MPC1: variants seen among roughly 807,000 people sequenced by gnomAD.
MPC1 encodes HSPC040 protein.
MPC1 carries 6 observed loss-of-function variants against 13.9 expected under a neutral mutation model. The observed-to-expected ratio is 0.43, with a 90% confidence interval of 0.24 to 0.85. The LOEUF (loss-of-function observed/expected upper bound fraction) is 0.85. MPC1 is among the 40% of genes least tolerant of loss of function. The probability of loss-of-function intolerance (pLI) is 0.24; values close to 1 mark genes in which losing one functional copy is unlikely to be tolerated. For synonymous variants in MPC1, 47 were observed against 50.5 expected, an observed-to-expected ratio of 0.93 and a Z score of 0.29; for missense variants, 115 against 143.3, an observed-to-expected ratio of 0.80 and a Z score of 1.01.
chr6:166,368,596 G>T, intron 2 of MPC1: 2 of 185,900 alleles, frequency 1.1e-5, no homozygotes, highest in Non-Finnish European at 2.0e-5. Context: ...AAGTTGGAGA[G>T]AAGTACACTC....
intron 1 of MPC1, among the ~76,000 whole-genome samples, chr6:166,373,664 C>T (rs1291731339): frequency 6.6e-6 from 1 of 152,184 alleles, no homozygotes; most frequent in Non-Finnish European, 1.5e-5. Flanking sequence ...AAGAAACTGC[C>T]AAACTGTTTT....
intron 1 of MPC1, among the ~76,000 whole-genome samples, chr6:166,371,119 T>G (rs1301124435): frequency 6.6e-6 from 1 of 152,142 alleles, no homozygotes; most frequent in African/African-American, 2.4e-5. Context: ...CGAGGAAATA[T>G]TTCCTTAAAA....
intron 2 of MPC1, among the ~76,000 whole-genome samples, chr6:166,368,557 G>GAAAAAAA (rs11370568): frequency 1.1e-4 from 13 of 114,228 alleles, no homozygotes; most frequent in East Asian, 2.5e-4. Flanking sequence ...CCGTCTCAGG[G>GAAAAAAA]AAAAAAAAAA....
Position 166,382,041 on chromosome 6 carries a change from T to C in MPC1, c.71+765A>G, listed in dbSNP as rs908799820. On this transcript the variant is annotated intron_variant, in intron 1 of 4. Transcript: ENST00000360961. The stretch of plus-strand genomic sequence containing the variant: ...CCCAGGTCGCCGCCTCTGGCACACC[T>C]GGACGGCCGCAGGTGACCGGCGACC... Among the ~76,000 whole-genome samples, 3 of 152,320 alleles carry C rather than the reference T, an allele frequency of 2.0e-5. No individual in the cohort carries two copies. The East Asian group carries it at 5.8e-4, about 29-fold the overall frequency.
Position 166,366,119 on chromosome 6 carries a change from G to A in MPC1, c.173-13C>T. Reference sequence around the variant, plus strand: ...TAGCAACAGAGGGCTGCCAAAAATAGCAGAGCAAAGACAATCAATAACTTA... The same window carrying A: ...TAGCAACAGAGGGCTGCCAAAAATAACAGAGCAAAGACAATCAATAACTTA... On this transcript the variant is annotated splice_polypyrimidine_tract_variant and intron_variant, in intron 3 of 4. Coordinates refer to ENST00000360961, the MANE Select transcript of MPC1 (RefSeq NM_016098.4). 6.2e-7 allele frequency: 1 copy of A among 1,612,416 alleles called. No individual in the cohort carries two copies. Among genetic ancestry groups the A allele is most frequent in the Non-Finnish European group, 8.5e-7 (1 of 1,179,004 alleles).
chr6:166,367,258 G>C (rs1178521950), intron 2 of MPC1: 1 of 869,464 alleles, frequency 1.2e-6, no homozygotes, highest in Non-Finnish European at 1.4e-6. Flanking sequence ...TTCAAACCCT[G>C]TTAGAACTAT....
At chr6:166,378,618 G>T (rs922867105) in intron 1 of MPC1, among the ~76,000 whole-genome samples, 2 of 152,164 alleles carry the variant, frequency 1.3e-5, no homozygotes, top group African/African-American at 4.8e-5. Flanking sequence ...AATGAGAGAA[G>T]AGGAAAAGCA....
intron 1 of MPC1, among the ~76,000 whole-genome samples, chr6:166,380,879 G>A (rs903281422): frequency 2.7e-5 from 4 of 147,278 alleles, no homozygotes; most frequent in African/African-American, 7.6e-5. Flanking sequence ...GCGGAGGTTT[G>A]GATGAGCCAA....
intron 2 of MPC1, chr6:166,369,548 C>G (rs532905881): frequency 6.2e-6 from 1 of 161,562 alleles, no homozygotes; most frequent in African/African-American, 2.4e-5. Flanking sequence ...AAGAAGAACA[C>G]GAAAGGTAAA....
chr6:166,380,224 T>G (rs764280278), intron 1 of MPC1, among the ~76,000 whole-genome samples: 5 of 152,256 alleles, frequency 3.3e-5, no homozygotes, highest in Non-Finnish European at 4.4e-5. Flanking sequence ...GATTTGGAGT[T>G]TCCAAGTATT....
In MPC1 at chr6:166,365,852, C is replaced by G; in HGVS notation, c.305+122G>C. The G allele has an allele frequency of 7.8e-7, 1 of 1,289,126 alleles. No individual in the cohort carries two copies. Among genetic ancestry groups the G allele is most frequent in the Non-Finnish European group, 1.0e-6 (1 of 955,496 alleles). 79.9% of individuals were successfully genotyped at this position (1,289,126 alleles called of 1,614,324 possible). On this transcript the variant is annotated intron_variant, in intron 4 of 4. Coordinates refer to ENST00000360961, the MANE Select transcript of MPC1 (RefSeq NM_016098.4). The surrounding 1 kb of genome is among the most constrained non-coding windows in gnomAD (Gnocchi z 4.2). ...ATGGTTTAGTAAGTTGTTTCCCCAA[C>G]TGCTAAAGCGCATCTATACACACTC... is the stretch of plus-strand genomic sequence containing the variant.
At chr6:166,382,725 C>T in intron 1 of MPC1, 81 bp downstream of exon 1, 3 of 1,400,794 alleles carry the variant, frequency 2.1e-6, no homozygotes, top group Non-Finnish European at 2.8e-6. Flanking sequence ...TCCTCGCGGC[C>T]GCCCTCGTCG....
chr6:166,380,355 T>C (rs1779722155), intron 1 of MPC1, among the ~76,000 whole-genome samples: 1 of 152,216 alleles, frequency 6.6e-6, no homozygotes, highest in African/African-American at 2.4e-5. Context: ...GGACTGTAAG[T>C]CATTCTTCTG....
At chr6:166,376,911 A>G (rs140897077) in intron 1 of MPC1, among the ~76,000 whole-genome samples, 331 of 152,276 alleles carry the variant, frequency 2.2e-3, no homozygotes, top group African/African-American at 7.7e-3. Flanking sequence ...CCACTTGTAC[A>G]ATATGTCTTT....
intron 1 of MPC1, chr6:166,370,481 CT>C: frequency 2.2e-6 from 1 of 450,410 alleles, no homozygotes; most frequent in Non-Finnish European, 3.9e-6. Context: ...TAGAGCAGAA[CT>C]GTCCAATAGA....
At chr6:166,372,495 C>T (rs1432653307) in intron 1 of MPC1, among the ~76,000 whole-genome samples, 1 of 152,194 alleles carries the variant, frequency 6.6e-6, no homozygotes, top group Admixed American at 6.5e-5. Flanking sequence ...CTTCTGCCTT[C>T]ATACCCTGCT....
At chr6:166,375,206 T>C (rs1045156553) in intron 1 of MPC1, among the ~76,000 whole-genome samples, 1 of 152,196 alleles carries the variant, frequency 6.6e-6, no homozygotes, top group Non-Finnish European at 1.5e-5. Flanking sequence ...AGCATACAGA[T>C]GGTGGATGAA....
chr6:166,366,921 A>G, intron 2 of MPC1, 30 bp from the exon 3 acceptor site: 1 of 1,613,648 alleles, frequency 6.2e-7, no homozygotes, highest in Non-Finnish European at 8.5e-7. Flanking sequence ...AAGAATGAAG[A>G]GAGGAAAAAG....
At chr6:166,373,983 T>G (rs572916783) in intron 1 of MPC1, among the ~76,000 whole-genome samples, 230 of 152,122 alleles carry the variant, frequency 1.5e-3, no homozygotes, top group Non-Finnish European at 2.7e-3. Context: ...TTTTTGTGGG[T>G]TTTGTTGGCT....
Sources: gnomAD v4.1 joint callset for allele counts (sites outside exome capture counted in the v4.1 genomes callset) on GRCh38, gnomAD v4.1.1 for gene constraint, Gnocchi (gnomAD v3.1) non-coding constraint, MANE v1.5 for transcripts, NCBI Gene and HGNC (gene_info 2026-07-23, HGNC 2026-07-21) for gene names.